The following CTNND2 variants were observed in gnomAD, a reference collection of about 807,000 sequenced individuals.
CTNND2 encodes catenin delta-2.
Under a neutral mutation model 144.4 loss-of-function variants are expected in CTNND2, and 22 were observed. The ratio of observed to expected loss-of-function variants is 0.15; its 90% CI spans 0.11 to 0.22. The LOEUF (loss-of-function observed/expected upper bound fraction) is 0.22. Ranked by LOEUF, CTNND2 falls within the 10% of genes least tolerant of loss-of-function variation. The pLI, the probability that CTNND2 is intolerant of heterozygous loss-of-function variation, is 1.00. For missense variants in CTNND2, 1,353 were observed against 1,618.8 expected (o/e 0.84, Z 2.82); for synonymous variants, 751 against 695.6 (o/e 1.08, Z -1.25).
chr5:11,864,266 C>T (rs775923038), intron 1 of CTNND2, among the ~76,000 whole-genome samples: 15 of 151,060 alleles, frequency 9.9e-5, no homozygotes, highest in African/African-American at 1.7e-4. Flanking sequence ...TCAATTTTAA[C>T]AGCAGACAAA....
At chr5:11,191,171 G>A (rs1736203654) in intron 11 of CTNND2, among the ~76,000 whole-genome samples, 1 of 152,200 alleles carries the variant, frequency 6.6e-6, no homozygotes, top group Non-Finnish European at 1.5e-5. Context: ...TGAAGGCGCA[G>A]CAGGTTCCCC....
In CTNND2 at chr5:11,315,032, A is replaced by C. The variant is rs375108178; in HGVS notation, c.1628+31340T>G. 5.9e-5 allele frequency among the ~76,000 whole-genome samples: 9 copies of C among 152,320 alleles called. No homozygotes were observed. The South Asian group carries it at 1.9e-3, about 32-fold the overall frequency. ...TTATAACTGGGTATCAAGTCTTTTAATTTGCTATCAAAAATAATCATTAAT... is the reference window on the plus strand; with the variant it reads ...TTATAACTGGGTATCAAGTCTTTTACTTTGCTATCAAAAATAATCATTAAT... On this transcript the variant is annotated intron_variant, in intron 9 of 21. Coordinates refer to ENST00000304623, the MANE Select transcript of CTNND2 (RefSeq NM_001332.4).
At chr5:11,701,246 A>G (rs116491633) in intron 2 of CTNND2, among the ~76,000 whole-genome samples, 3,415 of 152,278 alleles carry the variant, frequency 0.022, 131 homozygotes, top group African/African-American at 0.077. Context: ...GGAACTCCCC[A>G]TAGGAAAACC....
intron 11 of CTNND2, among the ~76,000 whole-genome samples, chr5:11,171,913 C>T (rs188386053): frequency 7.2e-5 from 11 of 152,040 alleles, no homozygotes; most frequent in Middle Eastern, 3.2e-3. Context: ...TCCTAAAGAC[C>T]GTGGGCCTAA....
At chr5:11,191,553 A>G (rs541079029) in intron 11 of CTNND2, among the ~76,000 whole-genome samples, 73 of 152,146 alleles carry the variant, frequency 4.8e-4, no homozygotes, top group Admixed American at 2.0e-4. Flanking sequence ...GCAGGTTGAG[A>G]CTGTCCATGG....
Position 11,098,596 on chromosome 5 carries a change from G to A in CTNND2, c.2616C>T (p.Asn872=). ...TLEGAAGALQ[N]LAAGSWKWSV... ...ATACCTTCCAGCTCCCTGCAGCCAA[G>A]TTCTGCAGGGCGCCTGCCGCCCCTT... The change falls in exon 15 of 22, where the codon AAC becomes AAT. Residue 872 remains asparagine, a synonymous_variant. Transcript: ENST00000304623. 1 of 1,613,944 alleles carries A rather than the reference G, an allele frequency of 6.2e-7. No individual in the cohort carries two copies. The highest frequency in any genetic ancestry group is 8.5e-7 in the Non-Finnish European group (1 of 1,179,954).
chr5:11,547,924 G>C (rs1775388018), intron 3 of CTNND2, among the ~76,000 whole-genome samples: 1 of 152,150 alleles, frequency 6.6e-6, no homozygotes, highest in East Asian at 1.9e-4. Flanking sequence ...GCCCACACAA[G>C]GAGACTCATA....
intron 16 of CTNND2, among the ~76,000 whole-genome samples, chr5:11,053,253 T>C (rs554700634): frequency 1.3e-5 from 2 of 152,344 alleles, no homozygotes; most frequent in Non-Finnish European, 2.9e-5. Context: ...GGCAAGCTTA[T>C]CAGAGAAGTT....
chr5:11,145,953 T>C (rs1262103864), intron 12 of CTNND2, among the ~76,000 whole-genome samples: 1 of 152,176 alleles, frequency 6.6e-6, no homozygotes, highest in Non-Finnish European at 1.5e-5. Context: ...GGAGCATCTC[T>C]CTGCGCCTTC....
At chr5:11,667,886 T>C (rs1251834990) in intron 2 of CTNND2, among the ~76,000 whole-genome samples, 2 of 152,252 alleles carry the variant, frequency 1.3e-5, no homozygotes, top group South Asian at 2.1e-4. Context: ...TTCTAGGTTT[T>C]TATGGTTTTA....
chr5:11,157,747 A>G (rs1288510890), intron 12 of CTNND2, among the ~76,000 whole-genome samples: 14 of 152,236 alleles, frequency 9.2e-5, no homozygotes. Flanking sequence ...CTGGTGTCAC[A>G]GATGTCTGCA....
intron 10 of CTNND2, among the ~76,000 whole-genome samples, chr5:11,214,165 G>C (rs1738933813): frequency 6.6e-6 from 1 of 152,068 alleles, no homozygotes; most frequent in African/African-American, 2.4e-5. Flanking sequence ...AGATTCAATG[G>C]CTATAACCTC....
At chr5:11,689,341 T>C (rs554219207) in intron 2 of CTNND2, among the ~76,000 whole-genome samples, 26 of 152,348 alleles carry the variant, frequency 1.7e-4, no homozygotes, top group Admixed American at 5.2e-4. Context: ...TGATGAACTG[T>C]TCTATGATGG....
intron 8 of CTNND2, among the ~76,000 whole-genome samples, chr5:11,354,967 G>A (rs566592241): frequency 3.9e-5 from 6 of 152,108 alleles, no homozygotes; most frequent in African/African-American, 1.4e-4. Flanking sequence ...ACAAATACAT[G>A]GAAATTAACA....
intron 11 of CTNND2, among the ~76,000 whole-genome samples, chr5:11,195,642 C>T (rs1736788142): frequency 6.6e-6 from 1 of 152,190 alleles, no homozygotes; most frequent in Non-Finnish European, 1.5e-5. Context: ...GCAGAGCTCT[C>T]AAGACACGTG....
intron 17 of CTNND2, among the ~76,000 whole-genome samples, chr5:11,020,684 G>C (rs1742147207): frequency 6.6e-6 from 1 of 152,032 alleles, no homozygotes; most frequent in Admixed American, 6.6e-5. Context: ...AGGAGACGAG[G>C]ATAAATGTAG....
chr5:11,805,905 C>T (rs1581915119), intron 1 of CTNND2, among the ~76,000 whole-genome samples: 1 of 152,244 alleles, frequency 6.6e-6, no homozygotes, highest in East Asian at 1.9e-4. Context: ...CAAACACTGT[C>T]TCAGCTAAGT....
At position 11,101,298 on chromosome 5, in the gene CTNND2, C is replaced by T. The variant is rs138979368; in HGVS notation, c.2464-2550G>A. Among the ~76,000 whole-genome samples, 43 of 152,276 alleles carry T rather than the reference C, an allele frequency of 2.8e-4. 1 individual carries two copies. Among genetic ancestry groups the T allele is most frequent in the Admixed American group, 2.0e-3 (31 of 15,306 alleles). On this transcript the variant is annotated intron_variant, in intron 14 of 21. Coordinates refer to ENST00000304623, the MANE Select transcript of CTNND2 (RefSeq NM_001332.4). The stretch of plus-strand genomic sequence containing the variant: ...TTCCATCAGCTGTAACATGACTGGA[C>T]GTATTCTGTAAGACTTGGGTTAACA...
intron 17 of CTNND2, among the ~76,000 whole-genome samples, chr5:11,020,990 T>C (rs971768093): frequency 1.3e-5 from 2 of 152,188 alleles, no homozygotes; most frequent in African/African-American, 4.8e-5. Flanking sequence ...CCATTAACAA[T>C]AATCAAGATT....
Sources: allele counts gnomAD v4.1 joint callset (sites outside exome capture counted in the v4.1 genomes callset), GRCh38; gene constraint gnomAD v4.1.1; transcripts MANE v1.5; gene names NCBI Gene and HGNC (gene_info 2026-07-23, HGNC 2026-07-21).